Variants in DOCK2 observed in about 807,000 individuals in gnomAD.
The protein encoded by DOCK2 is dedicator of cytokinesis protein 2.
A neutral mutation model predicts 248.9 loss-of-function variants in DOCK2; 87 were observed. The ratio of observed to expected loss-of-function variants is 0.35; its 90% CI spans 0.29 to 0.42. The LOEUF is 0.42. Ranked by LOEUF, DOCK2 falls within the 10% of genes least tolerant of loss-of-function variation. The probability of loss-of-function intolerance (pLI) is 1.00; values close to 1 mark genes in which losing one functional copy is unlikely to be tolerated. For missense variants in DOCK2, 1,747 were observed against 2,300.2 expected (o/e 0.76, Z 4.92); for synonymous variants, 805 against 821.6 (o/e 0.98, Z 0.35).
intron 27 of DOCK2, among the ~76,000 whole-genome samples, chr5:169,974,458 T>A (rs1046228192): frequency 6.6e-6 from 1 of 152,226 alleles, no homozygotes; most frequent in Non-Finnish European, 1.5e-5. Flanking sequence ...ATCTAACATG[T>A]ATTTAGCCCT....
intron 15 of DOCK2, among the ~76,000 whole-genome samples, chr5:169,711,521 A>G (rs559785721): frequency 6.6e-6 from 1 of 151,906 alleles, no homozygotes; most frequent in African/African-American, 2.4e-5. Flanking sequence ...CCTCAAGCAA[A>G]CCCCCTAACA....
Position 169,637,372 on chromosome 5 carries a change from A to G in DOCK2, c.43+3A>G. 1 of 1,421,058 alleles carries G rather than the reference A, an allele frequency of 7.0e-7. No homozygotes were observed. The highest frequency in any genetic ancestry group is 1.4e-5 in the South Asian group (1 of 69,216). 88.0% of individuals were successfully genotyped at this position (1,421,058 alleles called of 1,614,324 possible). On this transcript the variant is annotated splice_donor_region_variant and intron_variant, in intron 1 of 51. Transcript: ENST00000520908. ...TGACAAGGAGCGGCACGGCGTGGGT[A>G]GGTGCGGGCCCCAGGGCGCGGCAGG...
At chr5:169,878,667 C>A (rs1772465038) in intron 27 of DOCK2, among the ~76,000 whole-genome samples, 1 of 152,196 alleles carries the variant, frequency 6.6e-6, no homozygotes. Context: ...GAACAACTTT[C>A]TTACTAAGTA....
At chr5:169,784,123 TG>T (rs201729880) in intron 25 of DOCK2, among the ~76,000 whole-genome samples, 6 of 68,906 alleles carry the variant, frequency 8.7e-5, no homozygotes, top group South Asian at 1.1e-3. Flanking sequence ...TCAATTTCAT[TG>T]ATTTTTTTTT....
intron 27 of DOCK2, among the ~76,000 whole-genome samples, chr5:169,958,670 C>T (rs1028042300): frequency 2.0e-5 from 3 of 151,728 alleles, no homozygotes; most frequent in African/African-American, 7.3e-5. Context: ...GAGTGTTAGG[C>T]GTGGAGCTCT....
intron 26 of DOCK2, among the ~76,000 whole-genome samples, chr5:169,807,035 C>T (rs902503035): frequency 6.6e-6 from 1 of 152,084 alleles, no homozygotes; most frequent in Non-Finnish European, 1.5e-5. Flanking sequence ...GCTGGATGGG[C>T]TGAGTGAGAC....
intron 27 of DOCK2, among the ~76,000 whole-genome samples, chr5:169,842,369 T>C (rs1258287036): frequency 6.6e-6 from 1 of 152,152 alleles, no homozygotes; most frequent in Non-Finnish European, 1.5e-5. Context: ...TGTTTTGTTT[T>C]GTTTGAGAGA....
chr5:169,895,575 G>A (rs530486130), intron 27 of DOCK2, among the ~76,000 whole-genome samples: 2 of 151,750 alleles, frequency 1.3e-5, no homozygotes, highest in Non-Finnish European at 2.9e-5. Context: ...AGCTCCTTCG[G>A]TGCCCCATGC....
At chr5:169,649,180 A>G (rs1352268643) in intron 1 of DOCK2, among the ~76,000 whole-genome samples, 3 of 152,278 alleles carry the variant, frequency 2.0e-5, no homozygotes, top group Admixed American at 6.5e-5. Flanking sequence ...TTCTTTCTCC[A>G]TTATTGCTTT....
intron 27 of DOCK2, among the ~76,000 whole-genome samples, chr5:169,896,505 G>A (rs1301933317): frequency 6.6e-6 from 1 of 152,176 alleles, no homozygotes; most frequent in Admixed American, 6.5e-5. Context: ...TACTTAAGAA[G>A]ATGTAGCTAA....
At chr5:169,783,139 A>G (rs1466848364) in intron 25 of DOCK2, among the ~76,000 whole-genome samples, 1 of 152,238 alleles carries the variant, frequency 6.6e-6, no homozygotes, top group East Asian at 1.9e-4. Context: ...AGAGGATGTT[A>G]AAGTCATTCT....
chr5:170,005,961 C>T (rs1230966392), intron 30 of DOCK2, among the ~76,000 whole-genome samples: 1 of 152,158 alleles, frequency 6.6e-6, no homozygotes, highest in Non-Finnish European at 1.5e-5. Flanking sequence ...CTTTTGCTAT[C>T]CCCTAAAATC....
chr5:169,866,025 G>A (rs1340194642), intron 27 of DOCK2, among the ~76,000 whole-genome samples: 1 of 152,076 alleles, frequency 6.6e-6, no homozygotes, highest in African/African-American at 2.4e-5. Context: ...GGGCTGAAGA[G>A]TCAGAGGGGC....
Position 169,938,910 on chromosome 5 carries a change from C to CT in DOCK2, c.2800-44147dup, listed in dbSNP as rs60068204. Among the ~76,000 whole-genome samples, 386 of 141,180 alleles carry CT rather than the reference C, an allele frequency of 2.7e-3. 2 individuals are homozygous for CT. Among genetic ancestry groups the CT allele is most frequent in the African/African-American group, 5.2e-3 (202 of 38,572 alleles). The allele number at this position is 141,180 out of a possible 152,430, so 92.6% of individuals were successfully genotyped here. A position where few individuals can be genotyped will look rare whatever the true frequency, so the allele number is the denominator to read the frequency against. On this transcript the variant is annotated intron_variant, in intron 27 of 51. Coordinates refer to ENST00000520908, the MANE Select transcript of DOCK2 (RefSeq NM_004946.3). ...CATTTTTCTTTCTTTTTTTTCTTTT[C>CT]TTTTTTTTTTTGAAATGGAGTCTTG...
chr5:170,013,125 C>A (rs183606367), intron 32 of DOCK2, among the ~76,000 whole-genome samples: 1 of 151,954 alleles, frequency 6.6e-6, no homozygotes, highest in African/African-American at 2.4e-5. Context: ...GAAGGAGGAC[C>A]ATGTCAGGAC....
intron 33 of DOCK2, 101 bp downstream of exon 33, chr5:170,019,209 C>T: frequency 6.4e-7 from 1 of 1,559,938 alleles, no homozygotes; most frequent in Non-Finnish European, 8.7e-7. Context: ...CATTGAGAGG[C>T]TCGGCGGCAG....
At chr5:169,825,538 C>T (rs1768787449) in intron 26 of DOCK2, among the ~76,000 whole-genome samples, 1 of 143,222 alleles carries the variant, frequency 7.0e-6, no homozygotes. Flanking sequence ...CCAAACACCG[C>T]ATGTTCTCAT....
At chr5:169,867,341 C>T (rs535900184) in intron 27 of DOCK2, among the ~76,000 whole-genome samples, 6 of 152,100 alleles carry the variant, frequency 3.9e-5, no homozygotes, top group Non-Finnish European at 8.8e-5. Context: ...ACTCACCCAA[C>T]GTGATAACAA....
chr5:170,007,564 A>C (rs943919145), intron 30 of DOCK2, among the ~76,000 whole-genome samples: 2 of 152,164 alleles, frequency 1.3e-5, no homozygotes, highest in African/African-American at 4.8e-5. Context: ...AGGTTTACCG[A>C]GGCTCCGTGA....
Sources: allele counts gnomAD v4.1 joint callset (sites outside exome capture counted in the v4.1 genomes callset), GRCh38; gene constraint gnomAD v4.1.1; transcripts MANE v1.5; gene names NCBI Gene and HGNC (gene_info 2026-07-23, HGNC 2026-07-21).